ETV5: variants seen among roughly 807,000 people sequenced by gnomAD.
The protein encoded by ETV5 is ETS translocation variant 5.
ETV5 carries 10 observed loss-of-function variants against 70.0 expected under a neutral mutation model. That is an observed-to-expected ratio of 0.14 (90% CI 0.09 to 0.24). ETV5 has a LOEUF of 0.24. Ranked by LOEUF, ETV5 falls within the 10% of genes least tolerant of loss-of-function variation. The pLI is 1.00. For synonymous variants in ETV5, 216 were observed against 242.2 expected (o/e 0.89, Z 1.01); for missense variants, 453 against 651.2 (o/e 0.70, Z 3.31).
In ETV5 at chr3:186,105,641, C is replaced by T. The variant is rs1324384304; in HGVS notation, c.117G>A (p.Leu39=). The part of the protein sequence containing the change: ...DRKRKFLDTD[L]AHDSEELFQD... ...CTTTACTACCTTCAGAATCGTGAGC[C>T]AGATCTGTGTCCAAAAACTTCCTCT... is the stretch of plus-strand genomic sequence containing the variant. Residue 39 remains leucine, a synonymous_variant, in exon 3 of 13, where the codon CTG becomes CTA. Coordinates refer to ENST00000306376, the MANE Select transcript of ETV5 (RefSeq NM_004454.3). The surrounding 1 kb of genome is among the most constrained non-coding windows in gnomAD (Gnocchi z 4.5). The T allele has an allele frequency of 1.2e-6, 2 of 1,614,190 alleles. No individual in the cohort carries two copies. The highest frequency in any genetic ancestry group is 2.2e-5 in the South Asian group (2 of 91,082).
Position 186,064,445 on chromosome 3 carries a change from T to C in ETV5, c.942A>G (p.Arg314=), listed in dbSNP as rs1578542507. Residue 314 remains arginine, a synonymous_variant, in exon 9 of 13, where the codon AGA becomes AGG. Transcript: ENST00000306376. ...EVPNCQSSYM[R]GGYFSSSHEG... ...CATGGCTGCTGGAGAAATAACCCCC[T>C]CTCATGTAGGATGACTGGCAGTTAG... 1 of 1,614,060 alleles carries C rather than the reference T, an allele frequency of 6.2e-7. No homozygotes were observed. Among genetic ancestry groups the C allele is most frequent in the Non-Finnish European group, 8.5e-7 (1 of 1,180,000 alleles).
Position 186,052,226 on chromosome 3 carries a change from G to A in ETV5, c.1210-95C>T, listed in dbSNP as rs1346087451. ...GCAGAGCCAGTTCTGTAACCTGACT[G>A]CTTTGGTCAATGATCTGCTACTCTG... On this transcript the variant is annotated intron_variant, in intron 11 of 12. Coordinates refer to ENST00000306376, the MANE Select transcript of ETV5 (RefSeq NM_004454.3). The surrounding 1 kb of genome is among the most constrained non-coding windows in gnomAD (Gnocchi z 4.5). 4 of 1,175,292 alleles carry A rather than the reference G, an allele frequency of 3.4e-6. No homozygotes were observed. Among genetic ancestry groups the A allele is most frequent in the Non-Finnish European group, 5.0e-6 (4 of 796,328 alleles). 72.8% of individuals were successfully genotyped at this position (1,175,292 alleles called of 1,614,324 possible).
At chr3:186,091,037 A>C (rs1714170287) in intron 5 of ETV5, among the ~76,000 whole-genome samples, 1 of 152,216 alleles carries the variant, frequency 6.6e-6, no homozygotes, top group Non-Finnish European at 1.5e-5. Flanking sequence ...AAGGCCCTCC[A>C]TACGACTCAT....
In ETV5 at chr3:186,079,969, A is replaced by G; in HGVS notation, c.498T>C (p.Ala166=). 1 of 1,595,508 alleles carries G rather than the reference A, an allele frequency of 6.3e-7. No individual in the cohort carries two copies. The highest frequency in any genetic ancestry group is 8.5e-7 in the Non-Finnish European group (1 of 1,172,920). ...CGGGGCCCACACCTTGAACTGGGCCAGCTGCAGGGGCATGCCCTGAGGTGG... is the reference window on the plus strand; with the variant it reads ...CGGGGCCCACACCTTGAACTGGGCCGGCTGCAGGGGCATGCCCTGAGGTGG... ...TLPTSGHAPA[A]GPVQGVGPAP... is the part of the protein sequence containing the mutation. Residue 166 remains alanine (A), a synonymous_variant, in exon 7 of 13, where the codon GCT becomes GCC. Coordinates refer to ENST00000306376, the MANE Select transcript of ETV5 (RefSeq NM_004454.3).
At chr3:186,083,016 C>G (rs1295683308) in intron 5 of ETV5, among the ~76,000 whole-genome samples, 1 of 152,214 alleles carries the variant, frequency 6.6e-6, no homozygotes, top group East Asian at 1.9e-4. Context: ...GAGTTTCTCT[C>G]GTGATTTTTT....
chr3:186,056,792 G>A (rs928665422), intron 11 of ETV5, among the ~76,000 whole-genome samples: 1 of 152,198 alleles, frequency 6.6e-6, no homozygotes, highest in African/African-American at 2.4e-5. Context: ...AAGAGGGAGA[G>A]CATATCCTAT....
intron 5 of ETV5, among the ~76,000 whole-genome samples, chr3:186,090,253 T>G (rs1327442993): frequency 1.3e-5 from 2 of 152,176 alleles, no homozygotes; most frequent in East Asian, 3.8e-4. Flanking sequence ...AATCTAGCCT[T>G]ACACAAGGAT....
At chr3:186,080,208 A>ATAACAGC (rs943410388) in intron 6 of ETV5, 104 bp from the exon 7 acceptor site, 3 of 929,634 alleles carry the variant, frequency 3.2e-6, no homozygotes, top group Admixed American at 3.9e-5. Context: ...TTGCCAGGAA[A>ATAACAGC]TAACAGCATT....
chr3:186,084,689 G>C (rs945327433), intron 5 of ETV5, among the ~76,000 whole-genome samples: 8 of 152,136 alleles, frequency 5.3e-5, no homozygotes, highest in African/African-American at 1.7e-4. Context: ...AGGATCCTGA[G>C]GCCCAATGGA....
chr3:186,093,323 ACT>A (rs1714228617), intron 5 of ETV5, among the ~76,000 whole-genome samples: 1 of 152,242 alleles, frequency 6.6e-6, no homozygotes, highest in Non-Finnish European at 1.5e-5. Flanking sequence ...GCATTCTCAC[ACT>A]GTTAAAAATC....
In ETV5 at chr3:186,105,766, G is replaced by C; in HGVS notation, c.46-54C>G. The C allele has an allele frequency of 1.9e-6, 3 of 1,611,422 alleles. No individual in the cohort carries two copies. In the South Asian group the frequency reaches 3.3e-5, roughly 18 times the overall value. ...TCAAGTGTAGTAAAGAGGTCCACAG[G>C]GGGAAGACTCATATTGGAGAGGGAG... On this transcript the variant is annotated intron_variant, in intron 2 of 12. Transcript: ENST00000306376. The surrounding 1 kb of genome is among the most constrained non-coding windows in gnomAD (Gnocchi z 4.5).
At chr3:186,080,926 A>G (rs1014388133) in intron 6 of ETV5, 120 bp downstream of exon 6, 2 of 1,213,060 alleles carry the variant, frequency 1.6e-6, no homozygotes, top group Admixed American at 4.7e-5. Context: ...GCCATGAAAG[A>G]AGGATATGTT....
chr3:186,101,290 T>G (rs1269798098), intron 5 of ETV5, among the ~76,000 whole-genome samples: 4 of 152,176 alleles, frequency 2.6e-5, no homozygotes, highest in Non-Finnish European at 5.9e-5. Flanking sequence ...TCTTTTGTTT[T>G]CGTTTTTTAG....
At chr3:186,102,171 A>G (rs554163152) in intron 5 of ETV5, among the ~76,000 whole-genome samples, 1 of 151,476 alleles carries the variant, frequency 6.6e-6, no homozygotes, top group Non-Finnish European at 1.5e-5. Flanking sequence ...TGTTTAGAGA[A>G]AAAAAAAAGC....
At chr3:186,059,086 G>C (rs1713243183) in intron 9 of ETV5, among the ~76,000 whole-genome samples, 1 of 151,634 alleles carries the variant, frequency 6.6e-6, no homozygotes, top group Non-Finnish European at 1.5e-5. Flanking sequence ...AGGTGCCAAG[G>C]TATAATTTCA....
chr3:186,088,805 G>A (rs1223681095), intron 5 of ETV5, among the ~76,000 whole-genome samples: 2 of 152,184 alleles, frequency 1.3e-5, no homozygotes, highest in Non-Finnish European at 2.9e-5. Flanking sequence ...TTAAGTCACA[G>A]GAGGGAGTGT....
At chr3:186,108,432 C>T in intron 1 of ETV5, 2 of 1,077,602 alleles carry the variant, frequency 1.9e-6, no homozygotes, top group Non-Finnish European at 2.5e-6. Flanking sequence ...CCTGGTCGAC[C>T]CCCGCCCCCG....
At chr3:186,082,338 T>G (rs1197290359) in intron 5 of ETV5, among the ~76,000 whole-genome samples, 1 of 152,226 alleles carries the variant, frequency 6.6e-6, no homozygotes, top group Non-Finnish European at 1.5e-5. Context: ...ATTTTCATTT[T>G]GACTCAATGT....
chr3:186,102,134 T>C (rs1197226172), intron 5 of ETV5, among the ~76,000 whole-genome samples: 3 of 151,912 alleles, frequency 2.0e-5, no homozygotes, highest in Non-Finnish European at 4.4e-5. Context: ...TTACAAAATA[T>C]AATCTCTTTA....
Sources: gnomAD v4.1 joint callset for allele counts (sites outside exome capture counted in the v4.1 genomes callset) on GRCh38, gnomAD v4.1.1 for gene constraint, Gnocchi (gnomAD v3.1) non-coding constraint, MANE v1.5 for transcripts, NCBI Gene and HGNC (gene_info 2026-07-23, HGNC 2026-07-21) for gene names.